The following IPO11 variants were observed in gnomAD, a reference collection of about 807,000 sequenced individuals.
IPO11 encodes the protein importin-11.
In IPO11, 66 loss-of-function variants were observed where a neutral mutation model predicts 143.2. The ratio of observed to expected loss-of-function variants is 0.46; its 90% CI spans 0.38 to 0.57. The LOEUF (loss-of-function observed/expected upper bound fraction) is 0.57, where lower values mean the gene tolerates loss of function less well. Ranked by LOEUF, IPO11 falls within the 20% of genes least tolerant of loss-of-function variation. The probability of loss-of-function intolerance (pLI) is 0.00; values close to 1 mark genes in which losing one functional copy is unlikely to be tolerated. For missense variants in IPO11, 1,026 were observed against 1,141.0 expected (o/e 0.90, Z 1.45); for synonymous variants, 385 against 377.8 (o/e 1.02, Z -0.22).
chr5:62,572,982 A>G (rs1207787548), intron 27 of IPO11, among the ~76,000 whole-genome samples: 1 of 152,108 alleles, frequency 6.6e-6, no homozygotes, highest in African/African-American at 2.4e-5. Context: ...AAAACCTCCT[A>G]TCGTAAATTA....
chr5:62,427,733 C>A (rs568301647), intron 1 of IPO11, among the ~76,000 whole-genome samples: 1 of 152,198 alleles, frequency 6.6e-6, no homozygotes, highest in South Asian at 2.1e-4. Context: ...AACCATCCCC[C>A]CCTGCCCTTT....
chr5:62,470,349 G>C, intron 7 of IPO11, 41 bp downstream of exon 7: 1 of 1,535,154 alleles, frequency 6.5e-7, no homozygotes, highest in African/African-American at 1.4e-5. Flanking sequence ...TGGGAAAGTG[G>C]TATTTTCCTG....
rs1744278666 is a variant in IPO11, at chr5:62,437,356, A to G, written c.77A>G (p.Lys26Arg). 3 of 1,613,236 alleles carry G rather than the reference A, an allele frequency of 1.9e-6. No individual in the cohort carries two copies. The East Asian group carries it at 6.7e-5, about 36-fold the overall frequency. Residue 26 changes from lysine (K) to arginine (R), a missense_variant, in exon 2 of 30, where the codon AAA becomes AGA. By Grantham distance (26) the Lys-to-Arg change is conservative (BLOSUM62 2). This residue lies in a region of IPO11 where 429 missense variants were observed against 456.3 expected (regional missense o/e 0.94). Coordinates refer to ENST00000325324, the MANE Select transcript of IPO11 (RefSeq NM_016338.5). Reference protein sequence around the residue: ...QATSQDTAVLKPAEEQLKQWE... With the variant: ...QATSQDTAVLRPAEEQLKQWE... ...ACCAGTCAGGATACTGCTGTGTTAA[A>G]ACCAGCTGAGGAGCAGTTGAAGCAG...
At chr5:62,577,664 G>A (rs150507213) in intron 27 of IPO11, among the ~76,000 whole-genome samples, 254 of 152,144 alleles carry the variant, frequency 1.7e-3, no homozygotes, top group African/African-American at 5.9e-3. Flanking sequence ...TAATGGATAG[G>A]TGTAAGAATC....
At chr5:62,546,620 A>G (rs1018550478) in intron 24 of IPO11, among the ~76,000 whole-genome samples, 1 of 151,896 alleles carries the variant, frequency 6.6e-6, no homozygotes, top group East Asian at 1.9e-4. Context: ...CACACACACA[A>G]TCTGTTGCAG....
chr5:62,591,810 A>G (rs1245013771), intron 28 of IPO11, 138 bp downstream of exon 28: 1 of 521,994 alleles, frequency 1.9e-6, no homozygotes. Context: ...CGTTTTTGTT[A>G]TTTTGCTTGT....
rs1173911594 is a variant in IPO11, at chr5:62,581,290, G to A, written c.2583-10287G>A. On this transcript the variant is annotated intron_variant, in intron 27 of 29. Coordinates refer to ENST00000325324, the MANE Select transcript of IPO11 (RefSeq NM_016338.5). Reference sequence around the variant, plus strand: ...AAATGAGGCACAGGTCATTCTTTTTGAACATTCTGCTTTATAACTCAACTA... The same window carrying A: ...AAATGAGGCACAGGTCATTCTTTTTAAACATTCTGCTTTATAACTCAACTA... 3 of 1,520,570 alleles carry A rather than the reference G, an allele frequency of 2.0e-6. No homozygotes were observed. Among genetic ancestry groups the A allele is most frequent in the Non-Finnish European group, 2.6e-6 (3 of 1,137,170 alleles). The allele number at this position is 1,520,570 out of a possible 1,614,324, so 94.2% of individuals were successfully genotyped here.
chr5:62,602,541 C>G (rs1022573587), intron 29 of IPO11, among the ~76,000 whole-genome samples: 1 of 152,046 alleles, frequency 6.6e-6, no homozygotes. Context: ...ACAATTGTAT[C>G]TACCTCATAG....
At chr5:62,455,407 C>T (rs1435048957) in intron 5 of IPO11, among the ~76,000 whole-genome samples, 1 of 152,138 alleles carries the variant, frequency 6.6e-6, no homozygotes, top group Non-Finnish European at 1.5e-5. Context: ...CCTGTAATCC[C>T]AGCTACTCAG....
chr5:62,604,356 G>A (rs998280627), intron 29 of IPO11, among the ~76,000 whole-genome samples: 2 of 152,004 alleles, frequency 1.3e-5, no homozygotes, highest in African/African-American at 2.4e-5. Flanking sequence ...CTACAAGTGT[G>A]TGCCACCATG....
intron 26 of IPO11, chr5:62,560,579 T>C (rs1048010833): frequency 3.9e-5 from 6 of 152,308 alleles, no homozygotes; most frequent in African/African-American, 1.4e-4. Flanking sequence ...CTAGCAGAGT[T>C]TATACATAAA....
intron 28 of IPO11, among the ~76,000 whole-genome samples, chr5:62,594,178 G>T (rs1202710768): frequency 6.6e-6 from 1 of 152,144 alleles, no homozygotes; most frequent in Non-Finnish European, 1.5e-5. Context: ...GAACCAACAG[G>T]AGACAAAAAT....
At chr5:62,480,569 C>T (rs1318179927) in intron 9 of IPO11, among the ~76,000 whole-genome samples, 3 of 152,060 alleles carry the variant, frequency 2.0e-5, no homozygotes, top group Admixed American at 6.5e-5. Flanking sequence ...TTCCTATCCA[C>T]GAGCATGGAA....
At chr5:62,580,883 T>TA (rs1744528703) in intron 27 of IPO11, 5 of 1,551,280 alleles carry the variant, frequency 3.2e-6, no homozygotes, top group African/African-American at 1.4e-5. Flanking sequence ...ACAGCAGTGT[T>TA]ACCTGTGCAA....
chr5:62,513,210 G>A (rs1249773131), intron 19 of IPO11, among the ~76,000 whole-genome samples: 1 of 151,882 alleles, frequency 6.6e-6, no homozygotes, highest in African/African-American at 2.4e-5. Context: ...GGCCAGGCGG[G>A]GCGCTGACCC....
At chr5:62,518,140 T>TAA (rs34629573) in intron 20 of IPO11, among the ~76,000 whole-genome samples, 3 of 120,292 alleles carry the variant, frequency 2.5e-5, no homozygotes, top group African/African-American at 6.4e-5. Context: ...CCGTGCCTAC[T>TAA]AAAAAAAAAA....
At chr5:62,463,823 G>T (rs1307331294) in intron 5 of IPO11, among the ~76,000 whole-genome samples, 1 of 150,620 alleles carries the variant, frequency 6.6e-6, no homozygotes, top group African/African-American at 2.4e-5. Flanking sequence ...TTTTACTTCT[G>T]TATTTTTTTT....
At chr5:62,549,313 ATGT>A (rs1397467392) in intron 24 of IPO11, among the ~76,000 whole-genome samples, 3 of 152,140 alleles carry the variant, frequency 2.0e-5, no homozygotes, top group South Asian at 4.2e-4. Flanking sequence ...GCAGCAACAA[ATGT>A]TGTTATCAAC....
chr5:62,582,393 G>A (rs1002455121), intron 27 of IPO11, among the ~76,000 whole-genome samples: 2 of 152,180 alleles, frequency 1.3e-5, no homozygotes, highest in African/African-American at 4.8e-5. Flanking sequence ...TTTTGGCTTA[G>A]GCAGTTTTGT....
Sources: gnomAD v4.1 joint callset for allele counts (sites outside exome capture counted in the v4.1 genomes callset) on GRCh38, gnomAD v4.1.1 for gene constraint, gnomAD v4.1.1 regional missense constraint, MANE v1.5 for transcripts, NCBI Gene and HGNC (gene_info 2026-07-23, HGNC 2026-07-21) for gene names.